Variants in RIC3 observed in about 807,000 individuals in gnomAD.
The protein encoded by RIC3 is RIC3 acetylcholine receptor chaperone, also known as protein RIC-3.
RIC3 carries 28 observed loss-of-function variants against 27.3 expected under a neutral mutation model. The observed-to-expected ratio is 1.02, with a 90% CI of 0.76 to 1.41. The LOEUF is 1.41. RIC3 is among the 40% of genes most tolerant of loss of function. The pLI, the probability that RIC3 is intolerant of heterozygous loss-of-function variation, is 0.00. For synonymous variants in RIC3, 184 were observed against 160.4 expected (o/e 1.15, Z -1.11); for missense variants, 501 against 444.7 (o/e 1.13, Z -1.14).
downstream of RIC3, among the ~76,000 whole-genome samples, chr11:8,101,333 T>C (rs1944292407): frequency 6.6e-6 from 1 of 152,200 alleles, no homozygotes; most frequent in African/African-American, 2.4e-5. Flanking sequence ...CTTCTCCCAA[T>C]TGGCCTTTGT....
intron 1 of RIC3, among the ~76,000 whole-genome samples, chr11:8,165,713 CAAA>C (rs33913120): frequency 7.4e-6 from 1 of 134,796 alleles, no homozygotes; most frequent in Non-Finnish European, 1.6e-5. Context: ...AAGCTGTTAT[CAAA>C]AAAAAAAAAG....
chr11:8,151,367 C>G (rs1950204952), intron 1 of RIC3, among the ~76,000 whole-genome samples: 1 of 151,674 alleles, frequency 6.6e-6, no homozygotes, highest in Non-Finnish European at 1.5e-5. Context: ...ACGGGCGGAT[C>G]ACGAGGTCAG....
chr11:8,125,215 C>A (rs1946868672), intron 5 of RIC3, among the ~76,000 whole-genome samples: 1 of 149,874 alleles, frequency 6.7e-6, no homozygotes, highest in Non-Finnish European at 1.5e-5. Context: ...GATGGCACCA[C>A]TGCACTCCGG....
At chr11:8,098,952 A>G in the RIC3 span, 2 of 1,058,530 alleles carry the variant, frequency 1.9e-6, no homozygotes, top group African/African-American at 1.6e-5. Context: ...TCTAGGGGCT[A>G]TCCCATCCAT....
intron 4 of RIC3, among the ~76,000 whole-genome samples, chr11:8,132,998 T>C (rs1947918921): frequency 6.6e-6 from 1 of 152,194 alleles, no homozygotes. Flanking sequence ...TATACTCATG[T>C]TGAAACTTAA....
chr11:8,115,878 C>T (rs1945811181), intron 5 of RIC3, among the ~76,000 whole-genome samples: 1 of 152,124 alleles, frequency 6.6e-6, no homozygotes, highest in African/African-American at 2.4e-5. Context: ...ACAATTTTCA[C>T]AGAAATAGAA....
At chr11:8,097,679 T>C in the RIC3 span, 1 of 1,569,298 alleles carries the variant, frequency 6.4e-7, no homozygotes, top group Non-Finnish European at 8.7e-7. Context: ...GACCAGAGGC[T>C]GAGTCTGGAA....
the RIC3 span, chr11:8,098,878 G>A: frequency 3.1e-6 from 5 of 1,607,016 alleles, no homozygotes; most frequent in Non-Finnish European, 4.3e-6. Flanking sequence ...TGTGCTACGT[G>A]AGTCCTAGGT....
intron 4 of RIC3, among the ~76,000 whole-genome samples, chr11:8,135,333 T>C (rs976190332): frequency 2.0e-5 from 3 of 152,170 alleles, no homozygotes; most frequent in South Asian, 2.1e-4. Flanking sequence ...TTCTGTTCCA[T>C]TGGTCTATAT....
chr11:8,100,429 A>G, the RIC3 span: 2 of 1,183,066 alleles, frequency 1.7e-6, no homozygotes, highest in Non-Finnish European at 2.5e-6. Flanking sequence ...CTTCCTCTTT[A>G]TTCCCGTCCC....
chr11:8,162,631 T>TC (rs1554978649), intron 1 of RIC3, among the ~76,000 whole-genome samples: 2 of 107,962 alleles, frequency 1.9e-5, no homozygotes, highest in Non-Finnish European at 1.8e-5. Context: ...TGCTTCTTCT[T>TC]TTTTTTTTTT....
intron 4 of RIC3, among the ~76,000 whole-genome samples, 175 bp downstream of exon 4, chr11:8,137,203 T>A (rs925602727): frequency 6.6e-6 from 1 of 152,176 alleles, no homozygotes; most frequent in African/African-American, 2.4e-5. Context: ...TTTGTATTTT[T>A]AGTAGAGACA....
chr11:8,124,446 T>C (rs1946792871), intron 5 of RIC3, among the ~76,000 whole-genome samples: 1 of 152,256 alleles, frequency 6.6e-6, no homozygotes, highest in African/African-American at 2.4e-5. Context: ...TCAATATCGT[T>C]ACAGTATTGA....
chr11:8,152,770 G>T (rs1358408634), intron 1 of RIC3, among the ~76,000 whole-genome samples: 1 of 150,994 alleles, frequency 6.6e-6, no homozygotes, highest in African/African-American at 2.4e-5. Flanking sequence ...TTTTTTTAAA[G>T]ACAGCTAGTC....
intron 1 of RIC3, among the ~76,000 whole-genome samples, chr11:8,144,869 T>C (rs576331150): frequency 3.8e-4 from 58 of 151,962 alleles, no homozygotes; most frequent in Admixed American, 2.2e-3. Context: ...GAAGAGTTCA[T>C]GTCCTTTGTA....
At chr11:8,098,912 T>C in the RIC3 span, 1 of 1,479,582 alleles carries the variant, frequency 6.8e-7, no homozygotes, top group Non-Finnish European at 9.4e-7. Flanking sequence ...ATTTCCAAGG[T>C]AGATATGAAA....
intron 5 of RIC3, among the ~76,000 whole-genome samples, chr11:8,111,465 C>T (rs926324272): frequency 5.9e-5 from 9 of 151,974 alleles, no homozygotes; most frequent in African/African-American, 1.9e-4. Context: ...TTAGTTAAAA[C>T]AAAAAAAGCA....
chr11:8,119,689 A>G (rs1031286468), intron 5 of RIC3, among the ~76,000 whole-genome samples: 1 of 152,238 alleles, frequency 6.6e-6, no homozygotes. Flanking sequence ...GCCAAAACAG[A>G]CAAATAGGAT....
intron 1 of RIC3, among the ~76,000 whole-genome samples, chr11:8,141,632 C>T (rs1365848619): frequency 1.3e-5 from 2 of 151,544 alleles, no homozygotes; most frequent in Non-Finnish European, 2.9e-5. Context: ...GACAGAAAGT[C>T]AACAAGGATA....
Sources: allele counts gnomAD v4.1 joint callset (sites outside exome capture counted in the v4.1 genomes callset), GRCh38; gene constraint gnomAD v4.1.1; transcripts MANE v1.5; gene names NCBI Gene and HGNC (gene_info 2026-07-23, HGNC 2026-07-21).